The following SPHKAP variants were observed in gnomAD, a reference collection of about 807,000 sequenced individuals.
The protein encoded by SPHKAP is SPHK1 interactor, AKAP domain containing.
A neutral mutation model predicts 137.5 loss-of-function variants in SPHKAP; 67 were observed. That is an observed-to-expected ratio of 0.49 (90% confidence interval 0.40 to 0.60). SPHKAP has a LOEUF of 0.60. SPHKAP is among the 20% of genes least tolerant of loss of function. The pLI is 0.00. For synonymous variants in SPHKAP, 813 were observed against 785.3 expected, an observed-to-expected ratio of 1.04 and a Z score of -0.59; for missense variants, 2,097 against 2,069.3, an observed-to-expected ratio of 1.01 and a Z score of -0.26.
intron 3 of SPHKAP, among the ~76,000 whole-genome samples, chr2:228,073,285 T>C (rs6717664): frequency 6.6e-6 from 1 of 152,190 alleles, no homozygotes; most frequent in Non-Finnish European, 1.5e-5. Flanking sequence ...GGGCTTCAAA[T>C]TGAATAAGTG....
At chr2:228,021,365 T>C (rs2106219629) in intron 6 of SPHKAP, among the ~76,000 whole-genome samples, 1 of 152,290 alleles carries the variant, frequency 6.6e-6, no homozygotes, top group South Asian at 2.1e-4. Flanking sequence ...CTTCAACTAA[T>C]ATATGGCTTT....
intron 3 of SPHKAP, among the ~76,000 whole-genome samples, chr2:228,108,221 T>C (rs1172903915): frequency 6.6e-6 from 1 of 152,170 alleles, no homozygotes; most frequent in Non-Finnish European, 1.5e-5. Context: ...CATATAGTTT[T>C]CTCTAACATA....
chr2:228,045,429 A>T (rs12999135), intron 3 of SPHKAP, among the ~76,000 whole-genome samples: 24,916 of 104,576 alleles, frequency 0.24, 4,253 homozygotes, highest in Middle Eastern at 0.41. Flanking sequence ...TAAAAAATGA[A>T]GAGTTCATGT....
chr2:228,060,595 G>A (rs2106286016), intron 3 of SPHKAP, among the ~76,000 whole-genome samples: 1 of 152,300 alleles, frequency 6.6e-6, no homozygotes, highest in South Asian at 2.1e-4. Context: ...AAACAAGGGT[G>A]TTTTTCTTTG....
At chr2:228,123,085 C>T (rs886711193) in intron 2 of SPHKAP, among the ~76,000 whole-genome samples, 9 of 152,306 alleles carry the variant, frequency 5.9e-5, no homozygotes, top group African/African-American at 2.2e-4. Context: ...CCTCCCCTCT[C>T]CTCTGCTATC....
At chr2:228,021,563 A>G in intron 6 of SPHKAP, 148 bp downstream of exon 6, 1 of 971,532 alleles carries the variant, frequency 1.0e-6, no homozygotes. Context: ...GTGTTCTCAT[A>G]TCCTCCTTCC....
rs1400324944 is a variant in SPHKAP, at chr2:227,995,500, AGCAGGTACCTCAT to A, written c.4630_4634+8del. The A allele has an allele frequency of 6.2e-7, 1 of 1,613,946 alleles. No individual in the cohort carries two copies. The highest frequency in any genetic ancestry group is 1.3e-5 in the African/African-American group (1 of 74,920). Reference sequence around the variant, plus strand: ...AATTTCCCTGGGAATTCAAGGGAAGAGCAGGTACCTCATGGATCGCTCACTGAGCTGGAGAAAG... The same window carrying A: ...AATTTCCCTGGGAATTCAAGGGAAGAGGATCGCTCACTGAGCTGGAGAAAG... On this transcript the variant is annotated splice_donor_variant and splice_donor_5th_base_variant and coding_sequence_variant and intron_variant, in exon 8 of 12. Transcript: ENST00000392056. LOFTEE classifies it high-confidence loss of function.
At chr2:228,076,308 A>G (rs1332859199) in intron 3 of SPHKAP, among the ~76,000 whole-genome samples, 1 of 152,254 alleles carries the variant, frequency 6.6e-6, no homozygotes, top group Non-Finnish European at 1.5e-5. Context: ...GCTGCTGAAA[A>G]GATATCTGAG....
At chr2:228,048,013 T>C (rs1309299889) in intron 3 of SPHKAP, among the ~76,000 whole-genome samples, 1 of 152,174 alleles carries the variant, frequency 6.6e-6, no homozygotes, top group Non-Finnish European at 1.5e-5. Flanking sequence ...GATTCTGTGC[T>C]TTCCGTTTTA....
intron 3 of SPHKAP, among the ~76,000 whole-genome samples, chr2:228,046,118 G>T (rs1056603916): frequency 1.3e-5 from 2 of 151,976 alleles, no homozygotes; most frequent in African/African-American, 4.8e-5. Context: ...GGTGGTGATG[G>T]CTGTGATAAT....
At position 228,018,884 on chromosome 2, in the gene SPHKAP, A is replaced by G. The variant is rs545662849; in HGVS notation, c.1970T>C (p.Leu657Pro). ...ATTCCTGACGACATTTTCTGAGCAC[A>G]GGGTCTGAGACTTTGAAGCAGTTTC... is the stretch of plus-strand genomic sequence containing the variant. ...IMETASKSQTLCSENVVRNEL... is the reference protein window; with the variant it reads ...IMETASKSQTPCSENVVRNEL... Residue 657 changes from leucine (L) to proline (P), a missense_variant, in exon 7 of 12, where the codon CTG becomes CCG. Physicochemically the swap from Leu to Pro is moderately conservative, Grantham distance 98. Transcript: ENST00000392056. 4 of 1,614,084 alleles carry G rather than the reference A, an allele frequency of 2.5e-6. No homozygotes were observed. Among genetic ancestry groups the G allele is most frequent in the Non-Finnish European group, 3.4e-6 (4 of 1,180,042 alleles).
At chr2:228,041,027 AAAAT>A (rs1170760738) in intron 3 of SPHKAP, among the ~76,000 whole-genome samples, 2 of 152,220 alleles carry the variant, frequency 1.3e-5, no homozygotes, top group Non-Finnish European at 2.9e-5. Flanking sequence ...CCTGCTTGGA[AAAAT>A]GTGCTCTGGG....
intron 3 of SPHKAP, among the ~76,000 whole-genome samples, chr2:228,069,897 C>T (rs1300818475): frequency 6.6e-6 from 1 of 152,194 alleles, no homozygotes; most frequent in Non-Finnish European, 1.5e-5. Context: ...TTCAATACAT[C>T]GTGGTGTTGC....
chr2:228,167,708 T>C (rs1700460499), intron 1 of SPHKAP, among the ~76,000 whole-genome samples: 1 of 152,288 alleles, frequency 6.6e-6, no homozygotes, highest in East Asian at 1.9e-4. Context: ...CCAAAAGTAA[T>C]TTACTGAATT....
In SPHKAP at chr2:228,017,461, C is replaced by A; in HGVS notation, c.3393G>T (p.Arg1131Ser). The change falls in exon 7 of 12, where the codon AGG (arginine) becomes AGT (serine). Residue 1131 changes from arginine (R) to serine (S), a missense_variant. Physicochemically the swap from Arg to Ser is moderately radical, Grantham distance 110. Coordinates refer to ENST00000392056, the MANE Select transcript of SPHKAP (RefSeq NM_001142644.2). ...SCESITDEFSRFMVNQMENEG... is the reference protein window; with the variant it reads ...SCESITDEFSSFMVNQMENEG... The stretch of plus-strand genomic sequence containing the variant: ...CATTTTCCATCTGGTTCACCATGAA[C>A]CTGGAAAACTCATCGGTGATGCTCT... 1 of 1,613,890 alleles carries A rather than the reference C, an allele frequency of 6.2e-7. No individual in the cohort carries two copies. The highest frequency in any genetic ancestry group is 1.1e-5 in the South Asian group (1 of 91,072).
Position 228,131,249 on chromosome 2 carries a change from T to A in SPHKAP, c.138+731A>T. On this transcript the variant is annotated intron_variant, in intron 2 of 11. Transcript: ENST00000392056. The stretch of plus-strand genomic sequence containing the variant: ...TAAGAATTTTTATAATTTAATATTT[T>A]TGCAATAAATGAAATAACTCACTGT... 6 of 968,348 alleles carry A rather than the reference T, an allele frequency of 6.2e-6. No individual in the cohort carries two copies. The South Asian group carries it at 2.9e-4, about 46-fold the overall frequency. The allele number at this position is 968,348 out of a possible 1,614,324, so 60.0% of individuals were successfully genotyped here. A position where few individuals can be genotyped will look rare whatever the true frequency, so the allele number is the denominator to read the frequency against.
At chr2:228,054,866 T>TA (rs34322878) in intron 3 of SPHKAP, among the ~76,000 whole-genome samples, 145,098 of 151,992 alleles carry the variant, frequency 0.95, 69,343 homozygotes, top group East Asian at 1. Context: ...ACTTATGATA[T>TA]AAAAAGTGGT....
At chr2:228,132,841 T>TGCAAAAAAA (rs1699296612) in intron 1 of SPHKAP, among the ~76,000 whole-genome samples, 1 of 67,418 alleles carries the variant, frequency 1.5e-5, no homozygotes, top group Admixed American at 2.0e-4. Context: ...CTACTAAAAA[T>TGCAAAAAAA]ACAAAAAAAA....
At chr2:228,155,590 A>T (rs1047387179) in intron 1 of SPHKAP, among the ~76,000 whole-genome samples, 3 of 152,194 alleles carry the variant, frequency 2.0e-5, no homozygotes, top group African/African-American at 7.2e-5. Context: ...GGCTGAGCAG[A>T]TGAGGAGTTT....
Sources: gnomAD v4.1 joint callset for allele counts (sites outside exome capture counted in the v4.1 genomes callset) on GRCh38, gnomAD v4.1.1 for gene constraint, MANE v1.5 for transcripts, NCBI Gene and HGNC (gene_info 2026-07-23, HGNC 2026-07-21) for gene names.